SPPL2B: variants seen among roughly 807,000 people sequenced by gnomAD.
The protein encoded by SPPL2B is signal peptide peptidase like 2B.
A neutral mutation model predicts 59.7 loss-of-function variants in SPPL2B; 39 were observed. The ratio of observed to expected loss-of-function variants is 0.65; its 90% confidence interval spans 0.51 to 0.85. SPPL2B has a LOEUF of 0.85. SPPL2B is among the 40% of genes least tolerant of loss of function. The pLI is 0.00. For synonymous variants in SPPL2B, 419 were observed against 370.8 expected, an observed-to-expected ratio of 1.13 and a Z score of -1.49; for missense variants, 865 against 849.0, an observed-to-expected ratio of 1.02 and a Z score of -0.23.
chr19:2,351,332 C>T (rs1969912294), intron 13 of SPPL2B, 102 bp from the exon 14 acceptor site: 3 of 948,656 alleles, frequency 3.2e-6, no homozygotes, highest in Non-Finnish European at 4.8e-6. Flanking sequence ...TCCTCGCACA[C>T]CCCTGCCCTC....
At chr19:2,340,047 C>A in intron 6 of SPPL2B, 29 bp from the exon 7 acceptor site, 1 of 1,573,390 alleles carries the variant, frequency 6.4e-7, no homozygotes. Flanking sequence ...GCGGGCCTGG[C>A]CCCCGGCCTC....
intron 2 of SPPL2B, among the ~76,000 whole-genome samples, chr19:2,336,463 G>A (rs1968619265): frequency 1.3e-5 from 2 of 151,968 alleles, no homozygotes; most frequent in South Asian, 4.1e-4. Flanking sequence ...GTTTGGGTTC[G>A]TGTGTGTGCA....
intron 7 of SPPL2B, 54 bp downstream of exon 7, chr19:2,340,226 G>T (rs1311591472): frequency 2.2e-6 from 3 of 1,385,442 alleles, no homozygotes; most frequent in Non-Finnish European, 2.9e-6. Context: ...TGATGGCCAC[G>T]GCCCCTTTGC....
intron 7 of SPPL2B, 49 bp downstream of exon 7, chr19:2,340,221 G>T: frequency 4.3e-6 from 6 of 1,411,748 alleles, no homozygotes; most frequent in Non-Finnish European, 5.7e-6. Flanking sequence ...TGCGGTGATG[G>T]CCACGGCCCC....
At chr19:2,340,485 G>A in intron 7 of SPPL2B, 1 of 610,110 alleles carries the variant, frequency 1.6e-6, no homozygotes, top group Non-Finnish European at 3.0e-6. Context: ...GTTCCCCACA[G>A]CCCAGAGCTT....
At chr19:2,349,468 G>A (rs866974751) in intron 13 of SPPL2B, among the ~76,000 whole-genome samples, 4 of 2,072 alleles carry the variant, frequency 1.9e-3, no homozygotes, top group African/African-American at 5.0e-3. Context: ...GCTTGATTCC[G>A]TTCTCTCTCT....
At chr19:2,351,616 CTG>C in intron 14 of SPPL2B, 22 bp downstream of exon 14, 1 of 1,592,720 alleles carries the variant, frequency 6.3e-7, no homozygotes, top group Non-Finnish European at 8.6e-7. Context: ...TTTGCTCTGA[CTG>C]TGAGAAATAC....
At chr19:2,349,181 CGCGCTG>C (rs1390011351) in intron 13 of SPPL2B, among the ~76,000 whole-genome samples, 1 of 21,984 alleles carries the variant, frequency 4.5e-5, no homozygotes, top group African/African-American at 1.8e-4. Context: ...CACACACTCA[CGCGCTG>C]TCATTCGCTT....
At chr19:2,328,802 A>G (rs1425342525) in intron 1 of SPPL2B, 27 bp downstream of exon 1, 1 of 1,357,218 alleles carries the variant, frequency 7.4e-7, no homozygotes, top group East Asian at 3.1e-5. Context: ...TCCCGACGGC[A>G]CCGCGGGCTG....
chr19:2,345,825 G>T (rs1452778293), intron 13 of SPPL2B, among the ~76,000 whole-genome samples: 1 of 145,058 alleles, frequency 6.9e-6, no homozygotes, highest in Admixed American at 6.9e-5. Context: ...CCCTGGGTCC[G>T]TGCCTCCGTC....
chr19:2,340,882 GC>G lies in SPPL2B; in HGVS notation c.840-12del. On this transcript the variant is annotated splice_polypyrimidine_tract_variant and intron_variant, in intron 7 of 14. Transcript: ENST00000613503. Reference sequence around the variant, plus strand: ...GGAGCTGGTGGGCTTGGCTCTGACTGCCCCGTGCCCCCCAGGATCCCCAACA... The same window carrying G: ...GGAGCTGGTGGGCTTGGCTCTGACTGCCCGTGCCCCCCAGGATCCCCAACA... The G allele has an allele frequency of 1.3e-6, 2 of 1,532,650 alleles. No homozygotes were observed. The highest frequency in any genetic ancestry group is 8.9e-7 in the Non-Finnish European group (1 of 1,129,398). 94.9% of individuals were successfully genotyped at this position (1,532,650 alleles called of 1,614,324 possible).
At position 2,338,654 on chromosome 19, in the gene SPPL2B, C is replaced by G. The variant is rs371476797; in HGVS notation, c.370-98C>G. The G allele has an allele frequency of 2.9e-5, 23 of 795,946 alleles. No homozygotes were observed. The Admixed American group carries it at 4.0e-4, about 14-fold the overall frequency. The allele number at this position is 795,946 out of a possible 1,614,324, so 49.3% of individuals were successfully genotyped here. ...GGCGCCCCCAGCCTGACCCGAGCCT[C>G]GAGTGAGGGTCCCAGGAGAGGAGGC... On this transcript the variant is annotated intron_variant, in intron 3 of 14. Transcript: ENST00000613503.
In SPPL2B at chr19:2,345,268, A is replaced by G. The variant is rs752603128; in HGVS notation, c.1292A>G (p.Tyr431Cys). Residue 431 changes from tyrosine to cysteine, a missense_variant, in exon 13 of 15, where the codon TAC (tyrosine) becomes TGC (cysteine). Coordinates refer to ENST00000613503, the MANE Select transcript of SPPL2B (RefSeq NM_152988.3). ...DILVPGLLVAYCHRFDIQVQS... is the reference protein window; with the variant it reads ...DILVPGLLVACCHRFDIQVQS... ...CCTCCCCCAGGGCTGCTGGTGGCCT[A>G]CTGCCACAGGTTTGACATCCAGGTA... The G allele has an allele frequency of 1.9e-6, 3 of 1,612,250 alleles. No individual in the cohort carries two copies. The highest frequency in any genetic ancestry group is 1.1e-5 in the South Asian group (1 of 91,058).
At chr19:2,348,929 TTCTC>T (rs370701277) in intron 13 of SPPL2B, among the ~76,000 whole-genome samples, 5 of 76,518 alleles carry the variant, frequency 6.5e-5, no homozygotes, top group African/African-American at 5.3e-5. Flanking sequence ...CTTGATTCTG[TTCTC>T]TCTCTCCACA....
rs1204028302 is a variant in SPPL2B at position 2,341,027 on chromosome 19, T to TC, written c.956+18dup. 3 of 1,591,382 alleles carry TC rather than the reference T, an allele frequency of 1.9e-6. No individual in the cohort carries two copies. In the Middle Eastern group the frequency reaches 5.0e-4, roughly 263 times the overall value. On this transcript the variant is annotated intron_variant, in intron 8 of 14. Coordinates refer to ENST00000613503, the MANE Select transcript of SPPL2B (RefSeq NM_152988.3). ...GCAACGAGGACCAGTAAGTGCTGCT[T>TC]CCCCCGGGCCCCGGCGGGCAGCGGA... is the stretch of plus-strand genomic sequence containing the variant.
At chr19:2,344,321 C>A in intron 10 of SPPL2B, 41 bp from the exon 11 acceptor site, 3 of 1,253,378 alleles carry the variant, frequency 2.4e-6, no homozygotes, top group Non-Finnish European at 3.4e-6. Context: ...TGCCCCCCCA[C>A]CCCATCACCA....
chr19:2,334,713 A>G lies in SPPL2B; in HGVS notation c.178A>G (p.Ser60Gly), dbSNP rs759059298. ...PQWAHLPHDL[S>G]KASFLQLRNW... Reference sequence around the variant, plus strand: ...GTGGGCCCATCTTCCGCACGACCTCAGCAAGGCAGTGAGTACCCGCTGGCC... The same window carrying G: ...GTGGGCCCATCTTCCGCACGACCTCGGCAAGGCAGTGAGTACCCGCTGGCC... The change falls in exon 2 of 15, where the codon AGC (serine) becomes GGC (glycine). Residue 60 changes from serine to glycine, a missense_variant. Ser to Gly is a moderately conservative substitution (Grantham distance 56, BLOSUM62 0). Transcript: ENST00000613503. 8.4e-5 allele frequency: 135 copies of G among 1,604,284 alleles called. 2 individuals are homozygous for G. Among genetic ancestry groups the G allele is most frequent in the Admixed American group, 6.8e-4 (40 of 58,940 alleles).
intron 12 of SPPL2B, 85 bp downstream of exon 12, chr19:2,344,737 C>A: frequency 2.4e-6 from 2 of 831,878 alleles, no homozygotes; most frequent in South Asian, 1.4e-5. Flanking sequence ...GTGAGTGGCC[C>A]GCACACCGTC....
intron 13 of SPPL2B, among the ~76,000 whole-genome samples, chr19:2,350,630 C>T (rs1238260353): frequency 6.6e-6 from 1 of 152,272 alleles, no homozygotes; most frequent in Non-Finnish European, 1.5e-5. Context: ...GATTTGTGTT[C>T]TTATCTGTAC....
Sources: allele counts gnomAD v4.1 joint callset (sites outside exome capture counted in the v4.1 genomes callset), GRCh38; gene constraint gnomAD v4.1.1; transcripts MANE v1.5; gene names NCBI Gene and HGNC (gene_info 2026-07-23, HGNC 2026-07-21).